CD80: variants seen among roughly 807,000 people sequenced by gnomAD.
CD80 encodes T-lymphocyte activation antigen CD80.
Under a neutral mutation model 27.1 loss-of-function variants are expected in CD80, and 13 were observed. The ratio of observed to expected loss-of-function variants is 0.48; its 90% CI spans 0.31 to 0.76. The LOEUF (loss-of-function observed/expected upper bound fraction) is 0.76. Ranked by LOEUF, CD80 falls within the 30% of genes least tolerant of loss-of-function variation. The probability of loss-of-function intolerance (pLI) is 0.04; values close to 1 mark genes in which losing one functional copy is unlikely to be tolerated. For synonymous variants in CD80, 125 were observed against 125.5 expected, an observed-to-expected ratio of 1.00 and a Z score of 0.03; for missense variants, 277 against 347.9, an observed-to-expected ratio of 0.80 and a Z score of 1.62.
At chr3:119,533,398 A>C (rs1338290138) in intron 4 of CD80, among the ~76,000 whole-genome samples, 1 of 124,842 alleles carries the variant, frequency 8.0e-6, no homozygotes, top group Non-Finnish European at 1.6e-5. Flanking sequence ...CCGCTTAATT[A>C]ATACATTTGG....
intron 3 of CD80, among the ~76,000 whole-genome samples, chr3:119,543,002 C>A (rs1173172785): frequency 6.6e-6 from 1 of 152,132 alleles, no homozygotes; most frequent in Non-Finnish European, 1.5e-5. Context: ...GCCCCCCAAC[C>A]CAGTGCAAGA....
rs1374337413 is a variant in CD80, at chr3:119,549,951, T to C, written c.101-5084A>G. Among the ~76,000 whole-genome samples, 3 of 152,184 alleles carry C rather than the reference T, an allele frequency of 2.0e-5. No individual in the cohort carries two copies. In the East Asian group the frequency reaches 5.8e-4, roughly 29 times the overall value. On this transcript the variant is annotated intron_variant, in intron 2 of 6. Coordinates refer to ENST00000264246, the MANE Select transcript of CD80 (RefSeq NM_005191.4). ...GGCTATCCATCTCCATTGACTTGGATTCTAGTCCCAGCTCAGCCACTTGCT... is the reference window on the plus strand; with the variant it reads ...GGCTATCCATCTCCATTGACTTGGACTCTAGTCCCAGCTCAGCCACTTGCT...
intron 2 of CD80, among the ~76,000 whole-genome samples, chr3:119,551,478 G>A (rs1560058427): frequency 6.6e-6 from 1 of 152,096 alleles, no homozygotes; most frequent in African/African-American, 2.4e-5. Context: ...ATAAAGGATG[G>A]TTTTGGCCTC....
chr3:119,535,007 C>T lies in CD80; in HGVS notation c.700+2130G>A, dbSNP rs139230932. On this transcript the variant is annotated intron_variant, in intron 4 of 6. Coordinates refer to ENST00000264246, the MANE Select transcript of CD80 (RefSeq NM_005191.4). The stretch of plus-strand genomic sequence containing the variant: ...GAGAGTTCAAGACCAGCCTGACCAA[C>T]GTGGTGAAACTCCATCTCTACTAAA... Among the ~76,000 whole-genome samples, 31 of 152,204 alleles carry T rather than the reference C, an allele frequency of 2.0e-4. No individual in the cohort carries two copies. The East Asian group carries it at 4.6e-3, about 23-fold the overall frequency.
At chr3:119,535,044 T>C (rs924350707) in intron 4 of CD80, among the ~76,000 whole-genome samples, 2 of 151,942 alleles carry the variant, frequency 1.3e-5, no homozygotes, top group African/African-American at 4.8e-5. Context: ...ATACAAAAAT[T>C]ATCTGTGTGT....
intron 3 of CD80, among the ~76,000 whole-genome samples, chr3:119,537,757 G>A (rs368181884): frequency 4.6e-5 from 7 of 152,180 alleles, no homozygotes; most frequent in South Asian, 2.1e-4. Context: ...AGCCGAGATC[G>A]TACGACTTCA....
intron 6 of CD80, among the ~76,000 whole-genome samples, chr3:119,527,109 T>C (rs1156530844): frequency 6.6e-6 from 1 of 152,196 alleles, no homozygotes; most frequent in Non-Finnish European, 1.5e-5. Context: ...ACCCCATTCA[T>C]GTGAGGCACT....
intron 2 of CD80, among the ~76,000 whole-genome samples, chr3:119,549,098 T>A (rs2082216561): frequency 6.6e-6 from 1 of 152,094 alleles, no homozygotes; most frequent in African/African-American, 2.4e-5. Context: ...GCCTGATTGA[T>A]CCCATGGTTC....
At chr3:119,548,855 T>G (rs1334818071) in intron 2 of CD80, among the ~76,000 whole-genome samples, 6 of 151,996 alleles carry the variant, frequency 3.9e-5, no homozygotes, top group Non-Finnish European at 7.4e-5. Flanking sequence ...GTCAACATGG[T>G]GAAACCCCAT....
At chr3:119,535,630 T>C (rs2082134015) in intron 4 of CD80, among the ~76,000 whole-genome samples, 1 of 152,174 alleles carries the variant, frequency 6.6e-6, no homozygotes, top group African/African-American at 2.4e-5. Flanking sequence ...GAGAATTCTC[T>C]GAGTTTACTA....
intron 5 of CD80, among the ~76,000 whole-genome samples, chr3:119,529,227 G>A (rs2082096645): frequency 6.6e-6 from 1 of 152,148 alleles, no homozygotes; most frequent in East Asian, 1.9e-4. Flanking sequence ...TGGGATTACA[G>A]GCATGAGCCA....
chr3:119,525,862 A>G (rs2082062624), intron 6 of CD80, 113 bp from the exon 7 acceptor site: 1 of 143,336 alleles, frequency 7.0e-6, no homozygotes, highest in South Asian at 2.2e-4. Context: ...TTATATATGT[A>G]TATATGTATA....
At chr3:119,526,653 C>T (rs1249680921) in intron 6 of CD80, among the ~76,000 whole-genome samples, 1 of 152,134 alleles carries the variant, frequency 6.6e-6, no homozygotes, top group Non-Finnish European at 1.5e-5. Context: ...TCTCCCATAA[C>T]ATGGAAATAG....
chr3:119,531,620 C>T (rs1577107190), intron 4 of CD80, among the ~76,000 whole-genome samples: 1 of 151,864 alleles, frequency 6.6e-6, no homozygotes, highest in African/African-American at 2.4e-5. Context: ...CCTGTTTTTA[C>T]TTTTCTGATT....
At chr3:119,558,521 G>T (rs745764028) in intron 1 of CD80, among the ~76,000 whole-genome samples, 5 of 152,176 alleles carry the variant, frequency 3.3e-5, no homozygotes, top group African/African-American at 1.2e-4. Flanking sequence ...CCAGCACTTT[G>T]GGAGGCTGAG....
Position 119,529,888 on chromosome 3 carries a change from G to T in CD80, c.750C>A (p.Thr250=). ...PDNLLPSWAI[T]LISVNGIFVI... is the part of the protein sequence containing the mutation. ...CAAAAATTCCATTTACTGAGATTAA[G>T]GTAATGGCCCAGGATGGGAGCAGGT... The change falls in exon 5 of 7, where the codon ACC becomes ACA. Residue 250 remains threonine (T), a synonymous_variant. Coordinates refer to ENST00000264246, the MANE Select transcript of CD80 (RefSeq NM_005191.4). 6.2e-7 allele frequency: 1 copy of T among 1,613,904 alleles called. No individual in the cohort carries two copies. Among genetic ancestry groups the T allele is most frequent in the South Asian group, 1.1e-5 (1 of 91,064 alleles).
Position 119,557,625 on chromosome 3 carries a change from T to C in CD80, c.100+4A>G. On this transcript the variant is annotated splice_donor_region_variant and intron_variant, in intron 2 of 6. Transcript: ENST00000264246. The stretch of plus-strand genomic sequence containing the variant: ...ACTCAGTTAAGTTCCTGAAAGTTGC[T>C]TACCTGAACAGAAGTGAGAAAGACC... 6.2e-7 allele frequency: 1 copy of C among 1,610,612 alleles called. No homozygotes were observed.
intron 2 of CD80, among the ~76,000 whole-genome samples, chr3:119,551,125 G>A (rs1289292346): frequency 1.3e-5 from 2 of 152,172 alleles, no homozygotes; most frequent in South Asian, 2.1e-4. Flanking sequence ...TCTAGAACAG[G>A]GCCTGGCCCA....
chr3:119,534,402 A>G (rs2082125963), intron 4 of CD80, among the ~76,000 whole-genome samples: 1 of 151,954 alleles, frequency 6.6e-6, no homozygotes, highest in Non-Finnish European at 1.5e-5. Context: ...AGAAAAAAAA[A>G]AGAAAAATTT....
Sources: gnomAD v4.1 joint callset for allele counts (sites outside exome capture counted in the v4.1 genomes callset) on GRCh38, gnomAD v4.1.1 for gene constraint, MANE v1.5 for transcripts, NCBI Gene and HGNC (gene_info 2026-07-23, HGNC 2026-07-21) for gene names.